SP1: variants seen among roughly 807,000 people sequenced by gnomAD.
SP1 encodes transcription factor Sp1.
Under a neutral mutation model 66.3 loss-of-function variants are expected in SP1, and 6 were observed. The observed-to-expected ratio is 0.09, with a 90% CI of 0.05 to 0.18. The LOEUF is 0.18. SP1 is among the 10% of genes least tolerant of loss of function. The probability of loss-of-function intolerance (pLI) is 1.00; values close to 1 mark genes in which losing one functional copy is unlikely to be tolerated. For synonymous variants in SP1, 417 were observed against 360.8 expected (o/e 1.16, Z -1.77); for missense variants, 848 against 964.5 (o/e 0.88, Z 1.60).
chr12:53,397,639 G>A (rs1938520628), intron 3 of SP1, among the ~76,000 whole-genome samples: 1 of 148,400 alleles, frequency 6.7e-6, no homozygotes, highest in African/African-American at 2.5e-5. Context: ...AGGCTGGAGT[G>A]CAGTGGCATG....
chr12:53,382,408 A>G lies in SP1; in HGVS notation c.461A>G (p.Asn154Ser), dbSNP rs774696893. ...GGQYVVAAAP[N>S]LQNQQVLTGL... is the part of the protein sequence containing the mutation. The stretch of plus-strand genomic sequence containing the variant: ...CAGTATGTTGTGGCTGCCGCTCCCA[A>G]CTTACAGAACCAGCAAGTTCTGACA... Residue 154 changes from asparagine to serine, a missense_variant, in exon 3 of 6, where the codon AAC becomes AGC. Asn to Ser is a conservative substitution (Grantham distance 46, BLOSUM62 1). Transcript: ENST00000327443. 11 of 1,614,080 alleles carry G rather than the reference A, an allele frequency of 6.8e-6. No homozygotes were observed. Among genetic ancestry groups the G allele is most frequent in the South Asian group, 5.5e-5 (5 of 91,086 alleles).
rs745579533 is a variant in SP1, at chr12:53,382,768, C to T, written c.821C>T (p.Ala274Val). Residue 274 changes from alanine (A) to valine (V), a missense_variant, in exon 3 of 6, where the codon GCA becomes GTA. This residue lies in a region of SP1 where 606 missense variants were observed against 589.9 expected (regional missense o/e 1.03). Coordinates refer to ENST00000327443, the MANE Select transcript of SP1 (RefSeq NM_138473.3). Reference protein sequence around the residue: ...ITLLPVNSVSAATLTPSSQAV... With the variant: ...ITLLPVNSVSVATLTPSSQAV... ...TTGCTACCTGTCAACAGCGTTTCTG[C>T]AGCTACCTTGACTCCCAGCTCTCAG... The T allele has an allele frequency of 1.2e-6, 2 of 1,614,198 alleles. No individual in the cohort carries two copies. The highest frequency in any genetic ancestry group is 1.7e-6 in the Non-Finnish European group (2 of 1,180,034).
chr12:53,394,127 A>G (rs1938416839), intron 3 of SP1, among the ~76,000 whole-genome samples: 1 of 151,932 alleles, frequency 6.6e-6, no homozygotes, highest in African/African-American at 2.4e-5. Context: ...AGGCAGGAGA[A>G]TCATTTGAAC....
intron 3 of SP1, among the ~76,000 whole-genome samples, chr12:53,396,589 A>G (rs935739494): frequency 2.0e-5 from 3 of 152,248 alleles, no homozygotes; most frequent in Non-Finnish European, 2.9e-5. Flanking sequence ...AAAACAAAAC[A>G]AAAAACAGAT....
intron 4 of SP1, among the ~76,000 whole-genome samples, chr12:53,407,879 G>A (rs1174293982): frequency 6.7e-6 from 1 of 149,036 alleles, no homozygotes; most frequent in African/African-American, 2.5e-5. Flanking sequence ...CTTGTGATCC[G>A]CCTGCCTTGG....
At chr12:53,386,164 A>G (rs1405902629) in intron 3 of SP1, among the ~76,000 whole-genome samples, 2 of 152,040 alleles carry the variant, frequency 1.3e-5, no homozygotes, top group African/African-American at 4.8e-5. Context: ...TTCCCTTCAC[A>G]CTAACATATG....
At chr12:53,393,125 A>G (rs868146174) in intron 3 of SP1, among the ~76,000 whole-genome samples, 4 of 152,000 alleles carry the variant, frequency 2.6e-5, no homozygotes, top group Non-Finnish European at 5.9e-5. Flanking sequence ...CCTGGCCTAG[A>G]AGGAGTTTTA....
At position 53,411,274 on chromosome 12, in the gene SP1, A is replaced by C. The variant is rs775849407; in HGVS notation, c.*34A>C. 3 of 1,557,578 alleles carry C rather than the reference A, an allele frequency of 1.9e-6. No homozygotes were observed. Among genetic ancestry groups the C allele is most frequent in the Non-Finnish European group, 2.6e-6 (3 of 1,141,072 alleles). The stretch of plus-strand genomic sequence containing the variant: ...ACCCGGGGCCAGAGACATATGGGCC[A>C]TACCCCTTAACCCCGGGATGCAAGG... On this transcript the variant is annotated 3_prime_UTR_variant, in exon 6 of 6. Coordinates refer to ENST00000327443, the MANE Select transcript of SP1 (RefSeq NM_138473.3).
intron 1 of SP1, chr12:53,380,683 T>A (rs1245253794): frequency 1.0e-6 from 1 of 985,668 alleles, no homozygotes; most frequent in Non-Finnish European, 1.2e-6. Flanking sequence ...GTCCGCCCTC[T>A]GGTCGCCGCC....
In SP1 at chr12:53,380,255, GA is replaced by G; in HGVS notation, c.-36del. 1.2e-6 allele frequency: 1 copy of G among 809,582 alleles called. No homozygotes were observed. The highest frequency in any genetic ancestry group is 2.0e-6 in the Non-Finnish European group (1 of 496,526). The allele number at this position is 809,582 out of a possible 1,614,324, so 50.1% of individuals were successfully genotyped here. A position where few individuals can be genotyped will look rare whatever the true frequency, so the allele number is the denominator to read the frequency against. On this transcript the variant is annotated 5_prime_UTR_variant, in exon 1 of 6. Transcript: ENST00000327443. ...TTCCCGGCCCCCCCCAACCCCCCCG[GA>G]CAGGACCCCCTTGAGCTTGTCCCTC...
intron 3 of SP1, among the ~76,000 whole-genome samples, chr12:53,402,613 C>T: frequency 6.6e-6 from 1 of 150,666 alleles, no homozygotes; most frequent in South Asian, 2.1e-4. Flanking sequence ...CCAAGGGGGG[C>T]GGATCACCTA....
chr12:53,404,120 G>A (rs1035783135), intron 3 of SP1, among the ~76,000 whole-genome samples: 3 of 151,296 alleles, frequency 2.0e-5, no homozygotes, highest in Admixed American at 6.6e-5. Flanking sequence ...GCAGTGAGCC[G>A]AGATCGCGCT....
chr12:53,399,642 A>ATT (rs57026621), intron 3 of SP1, among the ~76,000 whole-genome samples: 2 of 101,312 alleles, frequency 2.0e-5, no homozygotes, highest in Non-Finnish European at 4.4e-5. Context: ...TATTTGTTTT[A>ATT]TTTTTTTTTT....
chr12:53,390,684 A>C (rs150999854), intron 3 of SP1, among the ~76,000 whole-genome samples: 1 of 150,682 alleles, frequency 6.6e-6, no homozygotes, highest in Admixed American at 6.6e-5. Flanking sequence ...TTCCGTCTCA[A>C]AAAAAAAAAA....
intron 3 of SP1, among the ~76,000 whole-genome samples, chr12:53,402,381 G>T (rs995409466): frequency 1.3e-5 from 2 of 151,898 alleles, no homozygotes; most frequent in Admixed American, 1.3e-4. Context: ...GCGCCACCAT[G>T]CCCGGCTAAT....
intron 3 of SP1, 47 bp downstream of exon 3, chr12:53,383,669 C>CAA: frequency 6.8e-7 from 1 of 1,477,342 alleles, no homozygotes; most frequent in Non-Finnish European, 9.2e-7. Context: ...ACTCTAGCAT[C>CAA]GTAGCTGAAA....
At chr12:53,398,794 A>G (rs1478776958) in intron 3 of SP1, among the ~76,000 whole-genome samples, 1 of 152,186 alleles carries the variant, frequency 6.6e-6, no homozygotes, top group Non-Finnish European at 1.5e-5. Context: ...GGATGGGAAA[A>G]ATAAGTAACA....
At chr12:53,407,352 AAGTC>A (rs951770589) in intron 4 of SP1, among the ~76,000 whole-genome samples, 1 of 150,696 alleles carries the variant, frequency 6.6e-6, no homozygotes, top group South Asian at 2.1e-4. Context: ...TTCTGAGACA[AAGTC>A]AGTCTGTGTT....
At chr12:53,389,567 G>A (rs1394281064) in intron 3 of SP1, among the ~76,000 whole-genome samples, 1 of 150,882 alleles carries the variant, frequency 6.6e-6, no homozygotes, top group South Asian at 2.1e-4. Context: ...GGATGGTCTC[G>A]ATCTCCTGGC....
Sources: allele counts gnomAD v4.1 joint callset (sites outside exome capture counted in the v4.1 genomes callset), GRCh38; gene constraint gnomAD v4.1.1; regional missense constraint gnomAD v4.1.1; transcripts MANE v1.5; gene names NCBI Gene and HGNC (gene_info 2026-07-23, HGNC 2026-07-21).